The following NUDT19 variants were observed in gnomAD, a reference collection of about 807,000 sequenced individuals.
NUDT19 encodes the protein acyl-coenzyme A diphosphatase NUDT19.
NUDT19 carries 31 observed loss-of-function variants against 22.2 expected under a neutral mutation model. That is an observed-to-expected ratio of 1.40 (90% CI 1.05 to 1.89). The LOEUF (loss-of-function observed/expected upper bound fraction) is 1.89, where lower values mean the gene tolerates loss of function less well. NUDT19 is among the 40% of genes most tolerant of loss of function. The probability of loss-of-function intolerance (pLI) is 0.00; values close to 1 mark genes in which losing one functional copy is unlikely to be tolerated. For missense variants in NUDT19, 752 were observed against 514.2 expected (o/e 1.46, Z -4.47); for synonymous variants, 325 against 230.8 (o/e 1.41, Z -3.70).
chr19:32,704,420 C>T (rs1237523108), intron 1 of NUDT19, among the ~76,000 whole-genome samples: 1 of 152,164 alleles, frequency 6.6e-6, no homozygotes, highest in Non-Finnish European at 1.5e-5. Context: ...TGCCACCATG[C>T]CCAGCTAAGT....
chr19:32,698,543 C>T (rs1324271252), intron 1 of NUDT19, among the ~76,000 whole-genome samples: 1 of 152,018 alleles, frequency 6.6e-6, no homozygotes, highest in Non-Finnish European at 1.5e-5. Context: ...GAACCTGCAA[C>T]AGTCCCCGGA....
At chr19:32,698,879 C>A (rs1336742300) in intron 1 of NUDT19, among the ~76,000 whole-genome samples, 1 of 152,136 alleles carries the variant, frequency 6.6e-6, no homozygotes, top group East Asian at 1.9e-4. Context: ...GTATTGGGAC[C>A]TTACCCATGT....
intron 1 of NUDT19, among the ~76,000 whole-genome samples, chr19:32,704,605 C>T (rs557414646): frequency 2.6e-5 from 4 of 152,192 alleles, no homozygotes; most frequent in African/African-American, 9.6e-5. Flanking sequence ...TTGATCTTTT[C>T]CTTTGTATCT....
chr19:32,713,704 T>C lies in NUDT19; in HGVS notation c.*1747T>C, dbSNP rs1010439103. On this transcript the variant is annotated 3_prime_UTR_variant, in exon 3 of 3. Coordinates refer to ENST00000397061, the MANE Select transcript of NUDT19 (RefSeq NM_001105570.2). ...AGATCTTTGACTGTATCATGCATTG[T>C]ACAATTGATTTCATATTTTATGAAA... is the stretch of plus-strand genomic sequence containing the variant. 3.3e-5 allele frequency: 5 copies of C among 152,232 alleles called. No homozygotes were observed. Among genetic ancestry groups the C allele is most frequent in the African/African-American group, 9.6e-5 (4 of 41,462 alleles). The allele number at this position is 152,232 out of a possible 1,614,324, so 9.4% of individuals were successfully genotyped here. A position where few individuals can be genotyped will look rare whatever the true frequency, so the allele number is the denominator to read the frequency against.
intron 2 of NUDT19, among the ~76,000 whole-genome samples, chr19:32,710,809 C>T (rs1968439031): frequency 6.6e-6 from 1 of 151,824 alleles, no homozygotes; most frequent in Non-Finnish European, 1.5e-5. Flanking sequence ...AGGAGAATCA[C>T]TTGAACCCAG....
rs940504399 is a variant in NUDT19, at chr19:32,694,441, TTTG to T, written c.714+1770_714+1772del. On this transcript the variant is annotated intron_variant, in intron 1 of 2. Transcript: ENST00000397061. ...TAGTTACTATCCTTACTGAATAGAT[TTTG>T]TTATTTCTTGCAAACTGTCTGAGAA... 3.8e-4 allele frequency among the ~76,000 whole-genome samples: 58 copies of T among 152,296 alleles called. 1 individual carries two copies. Among genetic ancestry groups the T allele is most frequent in the East Asian group, 1.9e-4 (1 of 5,180 alleles).
intron 2 of NUDT19, 136 bp from the exon 3 acceptor site, chr19:32,711,616 A>G (rs941783032): frequency 3.2e-6 from 2 of 618,640 alleles, no homozygotes; most frequent in African/African-American, 1.8e-5. Context: ...ATAGATAAAA[A>G]TACTGATTTG....
At chr19:32,710,389 T>A (rs1384598178) in intron 2 of NUDT19, among the ~76,000 whole-genome samples, 5 of 89,168 alleles carry the variant, frequency 5.6e-5, no homozygotes, top group Admixed American at 4.0e-4. Flanking sequence ...GAAAATAAAG[T>A]AAAATGTTAA....
intron 2 of NUDT19, among the ~76,000 whole-genome samples, chr19:32,710,683 C>T (rs1175197355): frequency 2.0e-5 from 3 of 151,704 alleles, no homozygotes; most frequent in Non-Finnish European, 2.9e-5. Context: ...CACCTAAGGG[C>T]GAGAGTTCGA....
chr19:32,708,210 G>A (rs1180282615), intron 1 of NUDT19, among the ~76,000 whole-genome samples: 1 of 149,916 alleles, frequency 6.7e-6, no homozygotes, highest in African/African-American at 2.5e-5. Context: ...GGTGGATCAT[G>A]GGGTCAGGAG....
rs1174448661 is a variant in NUDT19 at position 32,712,816 on chromosome 19, A to C, written c.*859A>C. ...TCTCATTACCCAAAACCAGAACATA[A>C]TTTCACAAGGGTTCCTACTTCTGTA... On this transcript the variant is annotated 3_prime_UTR_variant, in exon 3 of 3. Transcript: ENST00000397061. The C allele has an allele frequency of 1.3e-5, 2 of 152,180 alleles. No homozygotes were observed. Among genetic ancestry groups the C allele is most frequent in the Admixed American group, 6.5e-5 (1 of 15,270 alleles). The allele number at this position is 152,180 out of a possible 1,614,324, so 9.4% of individuals were successfully genotyped here.
At position 32,692,398 on chromosome 19, in the gene NUDT19, C is replaced by A. The variant is rs757368542; in HGVS notation, c.438C>A (p.Ser146=). The A allele has an allele frequency of 6.3e-7, 1 of 1,574,944 alleles. No individual in the cohort carries two copies. The highest frequency in any genetic ancestry group is 8.6e-7 in the Non-Finnish European group (1 of 1,168,532). Residue 146 remains serine (S), a synonymous_variant, in exon 1 of 3, where the codon TCC becomes TCA. Coordinates refer to ENST00000397061, the MANE Select transcript of NUDT19 (RefSeq NM_001105570.2). ...AGVLLLRPRT[S]PPGPAPGPGL... is the part of the protein sequence containing the mutation. The stretch of plus-strand genomic sequence containing the variant: ...TGCTGCTGCTGCGGCCCAGGACTTC[C>A]CCACCAGGCCCAGCACCCGGGCCTG...
intron 1 of NUDT19, among the ~76,000 whole-genome samples, chr19:32,696,346 C>T (rs1209707360): frequency 6.6e-6 from 1 of 152,032 alleles, no homozygotes; most frequent in African/African-American, 2.4e-5. Context: ...GCCACAACTA[C>T]CCCTAAACAG....
chr19:32,707,610 C>T (rs1024547073), intron 1 of NUDT19, among the ~76,000 whole-genome samples: 2 of 151,928 alleles, frequency 1.3e-5, no homozygotes, highest in Admixed American at 1.3e-4. Flanking sequence ...TTTGGGAGGC[C>T]GAGGTGGGTG....
chr19:32,708,198 C>T (rs1050864707), intron 1 of NUDT19, among the ~76,000 whole-genome samples: 1 of 149,158 alleles, frequency 6.7e-6, no homozygotes, highest in Admixed American at 6.7e-5. Flanking sequence ...GAGGCCGAGG[C>T]GGGTGGATCA....
chr19:32,691,953 T>G lies in NUDT19; in HGVS notation c.-8T>G. 8.2e-7 allele frequency: 1 copy of G among 1,219,114 alleles called. No individual in the cohort carries two copies. The highest frequency in any genetic ancestry group is 1.0e-6 in the Non-Finnish European group (1 of 980,012). 75.5% of individuals were successfully genotyped at this position (1,219,114 alleles called of 1,614,324 possible). A position where few individuals can be genotyped will look rare whatever the true frequency, so the allele number is the denominator to read the frequency against. On this transcript the variant is annotated 5_prime_UTR_variant, in exon 1 of 3. Coordinates refer to ENST00000397061, the MANE Select transcript of NUDT19 (RefSeq NM_001105570.2). ...CGCGCCAGAATCGGATCCGGGAAGC[T>G]GCGCGCCATGAGCAGCTCCCTGCGG... is the stretch of plus-strand genomic sequence containing the variant.
At chr19:32,696,720 A>G (rs1968267975) in intron 1 of NUDT19, among the ~76,000 whole-genome samples, 1 of 152,106 alleles carries the variant, frequency 6.6e-6, no homozygotes, top group Non-Finnish European at 1.5e-5. Context: ...ACAACTGAGG[A>G]GGTGGGAGAA....
intron 1 of NUDT19, among the ~76,000 whole-genome samples, chr19:32,704,501 C>A (rs1445375342): frequency 6.6e-6 from 1 of 151,944 alleles, no homozygotes; most frequent in Non-Finnish European, 1.5e-5. Context: ...ACCTTGTGAT[C>A]CGCCTGCCTT....
rs891378669 is a variant in NUDT19, at chr19:32,691,992, G to A, written c.32G>A (p.Arg11His). ...AGCTCCCTGCGGCCGGGCCCCAGCC[G>A]CTGGCGGCGGGCGGCCAGCATCGTC... is the stretch of plus-strand genomic sequence containing the variant. Reference protein sequence around the residue: MSSSLRPGPSRWRRAASIVLA... With the variant: MSSSLRPGPSHWRRAASIVLA... Residue 11 changes from arginine (R) to histidine (H), a missense_variant, in exon 1 of 3, where the codon CGC becomes CAC. Arg to His is a conservative substitution (Grantham distance 29, BLOSUM62 0). Coordinates refer to ENST00000397061, the MANE Select transcript of NUDT19 (RefSeq NM_001105570.2). The A allele has an allele frequency of 4.1e-5, 51 of 1,235,146 alleles. No individual in the cohort carries two copies. Among genetic ancestry groups the A allele is most frequent in the Non-Finnish European group, 5.0e-5 (50 of 991,712 alleles). 76.5% of individuals were successfully genotyped at this position (1,235,146 alleles called of 1,614,324 possible).
Sources: allele counts gnomAD v4.1 joint callset (sites outside exome capture counted in the v4.1 genomes callset), GRCh38; gene constraint gnomAD v4.1.1; transcripts MANE v1.5; gene names NCBI Gene and HGNC (gene_info 2026-07-23, HGNC 2026-07-21).